The following PTPRT variants were observed in gnomAD, a reference collection of about 807,000 sequenced individuals.
PTPRT encodes receptor-type tyrosine-protein phosphatase T.
A neutral mutation model predicts 176.8 loss-of-function variants in PTPRT; 56 were observed. The observed-to-expected ratio is 0.32, with a 90% CI of 0.26 to 0.40. PTPRT has a LOEUF of 0.40. Ranked by LOEUF, PTPRT falls within the 10% of genes least tolerant of loss-of-function variation. PTPRT has a pLI of 1.00. For synonymous variants in PTPRT, 783 were observed against 739.0 expected (o/e 1.06, Z -0.96); for missense variants, 1,540 against 1,908.2 (o/e 0.81, Z 3.60).
At chr20:43,188,778 T>C in intron 1 of PTPRT, among the ~76,000 whole-genome samples, 1 of 132,294 alleles carries the variant, frequency 7.6e-6, no homozygotes, top group Non-Finnish European at 1.6e-5. Context: ...GGGTGGAAGC[T>C]GCCTGCGGTG....
At chr20:42,469,432 T>C (rs945155518) in intron 8 of PTPRT, among the ~76,000 whole-genome samples, 1 of 152,210 alleles carries the variant, frequency 6.6e-6, no homozygotes, top group Non-Finnish European at 1.5e-5. Context: ...CTCAATCTCC[T>C]GACCTCATGA....
intron 6 of PTPRT, among the ~76,000 whole-genome samples, chr20:42,691,101 T>A (rs1717572836): frequency 6.6e-6 from 1 of 152,184 alleles, no homozygotes. Context: ...ATCACATGTA[T>A]CACGTTCGAT....
intron 16 of PTPRT, among the ~76,000 whole-genome samples, chr20:42,192,955 C>T (rs1045505855): frequency 6.6e-6 from 1 of 152,134 alleles, no homozygotes; most frequent in African/African-American, 2.4e-5. Context: ...AATAGAGGAA[C>T]CAGTAAGAAG....
chr20:42,162,107 G>A (rs1025669494), intron 16 of PTPRT, among the ~76,000 whole-genome samples: 7 of 152,120 alleles, frequency 4.6e-5, no homozygotes, highest in Non-Finnish European at 8.8e-5. Context: ...AAGCTAGCAG[G>A]GACCCTGACC....
At chr20:42,122,414 A>C (rs1293581099) in intron 19 of PTPRT, among the ~76,000 whole-genome samples, 1 of 152,174 alleles carries the variant, frequency 6.6e-6, no homozygotes, top group African/African-American at 2.4e-5. Flanking sequence ...GTGTTAATGT[A>C]ATAACTGAGC....
chr20:42,440,253 G>A (rs752524787), intron 9 of PTPRT, among the ~76,000 whole-genome samples: 1 of 151,994 alleles, frequency 6.6e-6, no homozygotes, highest in Non-Finnish European at 1.5e-5. Context: ...CAGCAAAATT[G>A]AGCAGAAGGT....
intron 2 of PTPRT, among the ~76,000 whole-genome samples, chr20:42,861,127 C>T (rs1482756665): frequency 6.6e-6 from 1 of 152,170 alleles, no homozygotes; most frequent in African/African-American, 2.4e-5. Context: ...GACAGAAGAC[C>T]AGGGGGTGGC....
At chr20:43,188,227 T>C (rs1234075587) in intron 1 of PTPRT, among the ~76,000 whole-genome samples, 4 of 151,796 alleles carry the variant, frequency 2.6e-5, no homozygotes, top group East Asian at 1.9e-4. Flanking sequence ...AAAACAAGAA[T>C]TGTGCACCAT....
At chr20:42,276,195 C>T (rs919138447) in intron 13 of PTPRT, among the ~76,000 whole-genome samples, 2 of 151,954 alleles carry the variant, frequency 1.3e-5, no homozygotes. Context: ...CAATCCTATA[C>T]ATGTCCATAA....
At chr20:42,883,978 C>T (rs2079064836) in intron 2 of PTPRT, among the ~76,000 whole-genome samples, 1 of 151,784 alleles carries the variant, frequency 6.6e-6, no homozygotes, top group Admixed American at 6.6e-5. Flanking sequence ...CACACACACG[C>T]ATACACACAC....
intron 7 of PTPRT, among the ~76,000 whole-genome samples, chr20:42,524,046 C>T (rs992470450): frequency 2.0e-5 from 3 of 152,156 alleles, no homozygotes; most frequent in African/African-American, 7.2e-5. Context: ...AGTATCAATA[C>T]ATCACTTCCA....
At chr20:42,553,357 C>G (rs780390089) in intron 7 of PTPRT, among the ~76,000 whole-genome samples, 4 of 151,956 alleles carry the variant, frequency 2.6e-5, no homozygotes, top group Non-Finnish European at 5.9e-5. Flanking sequence ...TTTTCACTCT[C>G]TCTCATTTTT....
intron 1 of PTPRT, among the ~76,000 whole-genome samples, chr20:43,136,306 A>G (rs900916382): frequency 3.3e-5 from 5 of 152,230 alleles, no homozygotes; most frequent in Non-Finnish European, 5.9e-5. Context: ...GAACCCATAA[A>G]GAAATTTGCA....
Position 42,236,246 on chromosome 20 carries a change from A to T in PTPRT, c.2325T>A (p.Tyr775Ter). The change falls in exon 15 of 31, where the codon TAT becomes TAA. Residue 775 changes from tyrosine to a stop codon, truncating the protein, a stop_gained. Coordinates refer to ENST00000373187, the MANE Select transcript of PTPRT (RefSeq NM_007050.6). LOFTEE classifies it high-confidence loss of function. ...MLTIKRRRNA[Y>*]SYSYYLKLAK... ...ATACTTACAAGTAATAGGAGTAGGA[A>T]TAAGCATTTCTTCTATATATTGATG... 6.2e-7 allele frequency: 1 copy of T among 1,604,116 alleles called. No individual in the cohort carries two copies. Among genetic ancestry groups the T allele is most frequent in the Non-Finnish European group, 8.5e-7 (1 of 1,171,492 alleles).
At chr20:42,582,033 A>C (rs1336331274) in intron 7 of PTPRT, among the ~76,000 whole-genome samples, 4 of 152,216 alleles carry the variant, frequency 2.6e-5, no homozygotes, top group African/African-American at 9.6e-5. Flanking sequence ...TGTTCACCCC[A>C]GTGAAACCAG....
chr20:42,152,620 G>A (rs1989185976), intron 17 of PTPRT, among the ~76,000 whole-genome samples: 1 of 152,196 alleles, frequency 6.6e-6, no homozygotes, highest in African/African-American at 2.4e-5. Flanking sequence ...AATCTCACGC[G>A]AGGGTACCTC....
chr20:42,668,141 G>A (rs1228877744), intron 7 of PTPRT, among the ~76,000 whole-genome samples: 2 of 152,098 alleles, frequency 1.3e-5, no homozygotes, highest in South Asian at 2.1e-4. Flanking sequence ...GTGGTGGGGG[G>A]AAAGAAAAAA....
At chr20:42,752,504 G>A (rs1384320108) in intron 6 of PTPRT, among the ~76,000 whole-genome samples, 2 of 152,224 alleles carry the variant, frequency 1.3e-5, no homozygotes, top group African/African-American at 2.4e-5. Context: ...GAACCAAAGG[G>A]TGGGAACCTG....
intron 1 of PTPRT, among the ~76,000 whole-genome samples, chr20:42,940,226 T>C (rs1980453219): frequency 6.6e-6 from 1 of 152,210 alleles, no homozygotes; most frequent in Admixed American, 6.5e-5. Context: ...GAATATAGTT[T>C]CTTCTACCTC....
Sources: gnomAD v4.1 joint callset for allele counts (sites outside exome capture counted in the v4.1 genomes callset) on GRCh38, gnomAD v4.1.1 for gene constraint, MANE v1.5 for transcripts, NCBI Gene and HGNC (gene_info 2026-07-23, HGNC 2026-07-21) for gene names.